The following ANKRD45 variants were observed in gnomAD, a reference collection of about 807,000 sequenced individuals.
ANKRD45 encodes the protein ankyrin repeat domain-containing protein 45.
ANKRD45 carries 21 observed loss-of-function variants against 28.1 expected under a neutral mutation model. The ratio of observed to expected loss-of-function variants is 0.75; its 90% CI spans 0.53 to 1.08. The LOEUF (loss-of-function observed/expected upper bound fraction) is 1.08, where lower values mean the gene tolerates loss of function less well. ANKRD45 is among the 50% of genes least tolerant of loss of function. The pLI is 0.00. For synonymous variants in ANKRD45, 86 were observed against 103.9 expected, an observed-to-expected ratio of 0.83 and a Z score of 1.05; for missense variants, 261 against 308.7, an observed-to-expected ratio of 0.85 and a Z score of 1.16.
intron 3 of ANKRD45, among the ~76,000 whole-genome samples, chr1:173,634,198 T>C (rs1668314375): frequency 6.6e-6 from 1 of 151,816 alleles, no homozygotes; most frequent in Admixed American, 6.6e-5. Flanking sequence ...TCAAAAGACA[T>C]ACAAAATGGC....
chr1:173,634,869 A>G (rs1668354934), intron 3 of ANKRD45, among the ~76,000 whole-genome samples: 1 of 151,972 alleles, frequency 6.6e-6, no homozygotes, highest in African/African-American at 2.4e-5. Flanking sequence ...ACCTGATAGT[A>G]CCACATCACC....
the ANKRD45 span, among the ~76,000 whole-genome samples, chr1:173,695,570 A>G: frequency 2.0e-5 from 3 of 152,138 alleles, no homozygotes; most frequent in Non-Finnish European, 4.4e-5. Flanking sequence ...TCCGTGGTGT[A>G]TATGTACTAT....
At chr1:173,697,405 C>A in the ANKRD45 span, among the ~76,000 whole-genome samples, 3 of 152,130 alleles carry the variant, frequency 2.0e-5, no homozygotes, top group Non-Finnish European at 2.9e-5. Context: ...ATGTTAAGGG[C>A]AGCCAGAGAG....
the ANKRD45 span, among the ~76,000 whole-genome samples, chr1:173,675,692 G>C: frequency 6.6e-6 from 1 of 152,058 alleles, no homozygotes; most frequent in Non-Finnish European, 1.5e-5. Flanking sequence ...CAATAGGCAA[G>C]ACTAGAATCT....
At chr1:173,664,979 A>G (rs2102398670) in intron 1 of ANKRD45, among the ~76,000 whole-genome samples, 1 of 152,294 alleles carries the variant, frequency 6.6e-6, no homozygotes, top group South Asian at 2.1e-4. Flanking sequence ...GAATAACACT[A>G]GAGCCTAGTC....
At position 173,609,786 on chromosome 1, in the gene ANKRD45, A is replaced by AT. The variant is rs1667066117; in HGVS notation, c.*358dup. On this transcript the variant is annotated 3_prime_UTR_variant, in exon 6 of 6. Transcript: ENST00000333279. The stretch of plus-strand genomic sequence containing the variant: ...TTTCCTTTTTAGGCAGGGAGAACAA[A>AT]TTTTTTCTCTGGAAATAGCCAAATA... 5.7e-6 allele frequency: 1 copy of AT among 175,802 alleles called. No homozygotes were observed. The highest frequency in any genetic ancestry group is 2.4e-5 in the African/African-American group (1 of 42,252). The allele number at this position is 175,802 out of a possible 1,614,324, so 10.9% of individuals were successfully genotyped here. A position where few individuals can be genotyped will look rare whatever the true frequency, so the allele number is the denominator to read the frequency against.
At chr1:173,664,867 C>T (rs577294363) in intron 1 of ANKRD45, among the ~76,000 whole-genome samples, 1 of 152,020 alleles carries the variant, frequency 6.6e-6, no homozygotes, top group South Asian at 2.1e-4. Flanking sequence ...TTTTTCATAG[C>T]CAAGAGCAAT....
chr1:173,682,267 A>T, the ANKRD45 span, among the ~76,000 whole-genome samples: 169 of 152,158 alleles, frequency 1.1e-3, 2 homozygotes, highest in South Asian at 0.013. Context: ...ACTTAAAAAA[A>T]TTTTTTTTAA....
At chr1:173,663,317 G>T (rs1023000780) in intron 1 of ANKRD45, among the ~76,000 whole-genome samples, 1 of 152,118 alleles carries the variant, frequency 6.6e-6, no homozygotes, top group Admixed American at 6.5e-5. Context: ...GGCACTCATC[G>T]CAAGTGACAG....
At chr1:173,613,520 C>T (rs1273723971) in intron 5 of ANKRD45, among the ~76,000 whole-genome samples, 2 of 148,832 alleles carry the variant, frequency 1.3e-5, no homozygotes, top group East Asian at 2.0e-4. Context: ...GCTCAGCCCC[C>T]GCCCGGCCAG....
chr1:173,696,826 G>A, the ANKRD45 span, among the ~76,000 whole-genome samples: 6 of 152,082 alleles, frequency 3.9e-5, no homozygotes, highest in East Asian at 9.7e-4. Context: ...TTGATGAGTT[G>A]ACAGAACTAG....
chr1:173,671,541 G>A (rs576287149), upstream of ANKRD45, among the ~76,000 whole-genome samples: 4 of 152,176 alleles, frequency 2.6e-5, no homozygotes, highest in East Asian at 7.8e-4. Context: ...AGAATCAGGG[G>A]AGAAGGGACG....
intron 2 of ANKRD45, 96 bp downstream of exon 2, chr1:173,658,995 A>G (rs183540516): frequency 1.3e-6 from 2 of 1,489,100 alleles, no homozygotes; most frequent in African/African-American, 1.4e-5. Flanking sequence ...TGTAAAGTAT[A>G]AAACAGGCAC....
At chr1:173,659,945 T>C (rs570566799) in intron 1 of ANKRD45, among the ~76,000 whole-genome samples, 3 of 152,342 alleles carry the variant, frequency 2.0e-5, no homozygotes, top group Non-Finnish European at 4.4e-5. Context: ...TTCAACAAGT[T>C]ACTATTTCAA....
At chr1:173,707,133 T>A in the ANKRD45 span, among the ~76,000 whole-genome samples, 2 of 151,988 alleles carry the variant, frequency 1.3e-5, no homozygotes, top group African/African-American at 4.8e-5. Flanking sequence ...TTTATGTTAT[T>A]TGTTTTTTTC....
At chr1:173,698,520 C>A in the ANKRD45 span, among the ~76,000 whole-genome samples, 14 of 152,280 alleles carry the variant, frequency 9.2e-5, no homozygotes, top group East Asian at 2.7e-3. Context: ...AAGAGTCACT[C>A]AAAACCACAC....
At chr1:173,706,259 G>T in the ANKRD45 span, among the ~76,000 whole-genome samples, 1 of 139,920 alleles carries the variant, frequency 7.1e-6, no homozygotes, top group Admixed American at 7.3e-5. Flanking sequence ...CTGAGATTGT[G>T]CTACTGTACT....
chr1:173,670,834 G>A (rs1445306540), upstream of ANKRD45, among the ~76,000 whole-genome samples: 1 of 152,174 alleles, frequency 6.6e-6, no homozygotes, highest in Non-Finnish European at 1.5e-5. Context: ...AAGAGCTCAG[G>A]AGTTAGGTGA....
At chr1:173,683,934 C>A in the ANKRD45 span, among the ~76,000 whole-genome samples, 2 of 152,116 alleles carry the variant, frequency 1.3e-5, no homozygotes, top group Non-Finnish European at 2.9e-5. Flanking sequence ...GGTTCTTATC[C>A]CTGACACATG....
Sources: allele counts gnomAD v4.1 joint callset (sites outside exome capture counted in the v4.1 genomes callset), GRCh38; gene constraint gnomAD v4.1.1; transcripts MANE v1.5; gene names NCBI Gene and HGNC (gene_info 2026-07-23, HGNC 2026-07-21).